SPMIP4: variants seen among roughly 807,000 people sequenced by gnomAD.
SPMIP4 encodes the protein sperm microtubule inner protein 4.
chr7:25,162,633 T>C, the SPMIP4 span, among the ~76,000 whole-genome samples: 586 of 152,244 alleles, frequency 3.8e-3, 4 homozygotes, highest in African/African-American at 0.013. Flanking sequence ...ATTTTGATAA[T>C]ATAGATGGCC....
the SPMIP4 span, among the ~76,000 whole-genome samples, chr7:25,176,998 G>T: frequency 6.6e-6 from 1 of 152,238 alleles, no homozygotes; most frequent in Non-Finnish European, 1.5e-5. This position sits in a 1 kb window ranked among gnomAD's most constrained non-coding sequence, Gnocchi z 4.4. Context: ...TTCAGATCTT[G>T]AAGGGCTGCT....
At chr7:25,166,369 T>G in the SPMIP4 span, among the ~76,000 whole-genome samples, 1 of 150,450 alleles carries the variant, frequency 6.6e-6, no homozygotes, top group African/African-American at 2.4e-5. Flanking sequence ...GGGCGGATCA[T>G]GAGGTCAGGA....
At chr7:25,163,512 T>A in the SPMIP4 span, among the ~76,000 whole-genome samples, 1 of 152,232 alleles carries the variant, frequency 6.6e-6, no homozygotes, top group Non-Finnish European at 1.5e-5. This position sits in a 1 kb window ranked among gnomAD's most constrained non-coding sequence, Gnocchi z 4.4. Context: ...CAGCTGTGTG[T>A]GTGTCAGGTT....
chr7:25,161,104 T>C, the SPMIP4 span: 6 of 734,824 alleles, frequency 8.2e-6, no homozygotes, highest in Non-Finnish European at 1.3e-5. Flanking sequence ...AAGTCCCCAT[T>C]TGGGGCTTTA....
chr7:25,153,153 C>T, the SPMIP4 span, among the ~76,000 whole-genome samples: 1 of 152,134 alleles, frequency 6.6e-6, no homozygotes, highest in Non-Finnish European at 1.5e-5. Flanking sequence ...AGAGGATGCT[C>T]ATCTTTTAAA....
chr7:25,154,975 GAATT>G, the SPMIP4 span: 4 of 1,568,480 alleles, frequency 2.6e-6, no homozygotes, highest in Non-Finnish European at 2.6e-6. Context: ...CCAATAATAA[GAATT>G]AATACAGTTC....
At chr7:25,159,422 GC>G in the SPMIP4 span, among the ~76,000 whole-genome samples, 1 of 152,130 alleles carries the variant, frequency 6.6e-6, no homozygotes, top group Non-Finnish European at 1.5e-5. Context: ...TAATCCTGTA[GC>G]CCTGGAAAAA....
At chr7:25,177,468 T>A in the SPMIP4 span, among the ~76,000 whole-genome samples, 1 of 151,736 alleles carries the variant, frequency 6.6e-6, no homozygotes, top group African/African-American at 2.4e-5. Flanking sequence ...GGCAACAGAG[T>A]GAGACTCCGT....
chr7:25,162,754 TG>T, the SPMIP4 span, among the ~76,000 whole-genome samples: 5,012 of 145,930 alleles, frequency 0.034, 285 homozygotes, highest in African/African-American at 0.13. Context: ...ACTTAGGATT[TG>T]GCATTTATTT....
the SPMIP4 span, among the ~76,000 whole-genome samples, chr7:25,134,411 T>C: frequency 6.7e-6 from 1 of 150,256 alleles, no homozygotes; most frequent in East Asian, 1.9e-4. Context: ...AGCTTTTTGA[T>C]GAGCATGCTT....
At chr7:25,170,453 C>G in the SPMIP4 span, among the ~76,000 whole-genome samples, 1 of 152,214 alleles carries the variant, frequency 6.6e-6, no homozygotes, top group African/African-American at 2.4e-5. Context: ...GGATAATAGG[C>G]AGATATTTTC....
chr7:25,150,421 C>T, the SPMIP4 span, among the ~76,000 whole-genome samples: 12 of 152,220 alleles, frequency 7.9e-5, no homozygotes, highest in African/African-American at 2.6e-4. Flanking sequence ...AAAAAACAAA[C>T]GGGAAATGAC....
chr7:25,177,427 A>G, the SPMIP4 span, among the ~76,000 whole-genome samples: 3 of 152,072 alleles, frequency 2.0e-5, no homozygotes, highest in Admixed American at 6.5e-5. Flanking sequence ...AGGTTGCAGT[A>G]AGCCGAGATT....
the SPMIP4 span, among the ~76,000 whole-genome samples, chr7:25,151,279 T>C: frequency 1.3e-5 from 2 of 151,326 alleles, no homozygotes; most frequent in Non-Finnish European, 2.9e-5. Context: ...TGGAGTGCAG[T>C]GGCATGATCT....
At chr7:25,128,051 CCAAA>C in the SPMIP4 span, among the ~76,000 whole-genome samples, 2 of 152,204 alleles carry the variant, frequency 1.3e-5, no homozygotes, top group Non-Finnish European at 1.5e-5. The surrounding 1 kb of genome is among the most constrained non-coding windows in gnomAD (Gnocchi z 4.5). Context: ...TTACTTTCAC[CCAAA>C]CAAATGGAGT....
At chr7:25,139,837 AT>A in the SPMIP4 span, among the ~76,000 whole-genome samples, 2 of 152,202 alleles carry the variant, frequency 1.3e-5, no homozygotes, top group African/African-American at 4.8e-5. Context: ...TTTCATACAC[AT>A]TTTTATTACC....
At chr7:25,173,497 T>C in the SPMIP4 span, among the ~76,000 whole-genome samples, 8 of 152,202 alleles carry the variant, frequency 5.3e-5, no homozygotes, top group African/African-American at 1.7e-4. This position sits in a 1 kb window ranked among gnomAD's most constrained non-coding sequence, Gnocchi z 4.4. Flanking sequence ...ATATTTACCA[T>C]CTGGCTCTTT....
At chr7:25,160,257 T>TTACATTATTAATAAA in the SPMIP4 span, among the ~76,000 whole-genome samples, 118 of 151,396 alleles carry the variant, frequency 7.8e-4, no homozygotes, top group African/African-American at 2.7e-3. Flanking sequence ...AATAAAGAAG[T>TTACATTATTAATAAA]GATAGTTCCA....
chr7:25,170,504 C>T, the SPMIP4 span, among the ~76,000 whole-genome samples: 2 of 152,136 alleles, frequency 1.3e-5, no homozygotes, highest in East Asian at 1.9e-4. Context: ...TTGATAGTGT[C>T]CCTTGAAGCA....
Sources: gnomAD v4.1 joint callset for allele counts (sites outside exome capture counted in the v4.1 genomes callset) on GRCh38, gnomAD v4.1.1 for gene constraint, Gnocchi (gnomAD v3.1) non-coding constraint, MANE v1.5 for transcripts, NCBI Gene and HGNC (gene_info 2026-07-23, HGNC 2026-07-21) for gene names.